UCP1: variants seen among roughly 807,000 people sequenced by gnomAD.
UCP1 encodes mitochondrial brown fat uncoupling protein 1.
UCP1 carries 24 observed loss-of-function variants against 26.2 expected under a neutral mutation model. That is an observed-to-expected ratio of 0.92 (90% CI 0.66 to 1.29). The LOEUF (loss-of-function observed/expected upper bound fraction) is 1.29, where lower values mean the gene tolerates loss of function less well. UCP1 is among the 50% of genes most tolerant of loss of function. UCP1 has a pLI of 0.00. For synonymous variants in UCP1, 164 were observed against 156.8 expected (o/e 1.05, Z -0.34); for missense variants, 402 against 388.7 (o/e 1.03, Z -0.29).
In UCP1 at chr4:140,568,792, CT is replaced by C. The variant is rs144172393; in HGVS notation, c.-64del. On this transcript the variant is annotated 5_prime_UTR_variant, in exon 1 of 6. Transcript: ENST00000262999. ...CCAGCCCCGAAGGTGGAGGAAGTTC[CT>C]TTCCCTTGCTCTTCACGCCTGTCCG... 2,252 of 1,539,972 alleles carry C rather than the reference CT, an allele frequency of 1.5e-3. 17 individuals are homozygous for C. The African/African-American group carries it at 0.022, about 15-fold the overall frequency.
At position 140,562,272 on chromosome 4, in the gene UCP1, G is replaced by C. The variant is rs1735693388; in HGVS notation, c.730C>G (p.Pro244Ala). 6.2e-7 allele frequency: 1 copy of C among 1,614,100 alleles called. No individual in the cohort carries two copies. The highest frequency in any genetic ancestry group is 8.5e-7 in the Non-Finnish European group (1 of 1,180,008). ...GGCACACTTTTGTACTGTCCTGGTG[G>C]AGAATTAATAAATCTGGTTTTTACT... is the stretch of plus-strand genomic sequence containing the variant. ...DVVKTRFINS[P>A]PGQYKSVPNC... The change falls in exon 5 of 6, where the codon CCA becomes GCA. Residue 244 changes from proline (P) to alanine (A), a missense_variant. Physicochemically the swap from Pro to Ala is conservative, Grantham distance 27. Transcript: ENST00000262999.
At chr4:140,563,059 G>T in intron 4 of UCP1, 51 bp downstream of exon 4, 1 of 1,420,210 alleles carries the variant, frequency 7.0e-7, no homozygotes, top group Non-Finnish European at 1.0e-6. Context: ...GAAGCTCCAA[G>T]ATGAACTTCT....
Position 140,559,684 on chromosome 4 carries a change from G to A in UCP1, c.*212C>T, listed in dbSNP as rs1034724762. 1 of 573,452 alleles carries A rather than the reference G, an allele frequency of 1.7e-6. No individual in the cohort carries two copies. Among genetic ancestry groups the A allele is most frequent in the African/African-American group, 1.9e-5 (1 of 52,726 alleles). The allele number at this position is 573,452 out of a possible 1,614,324, so 35.5% of individuals were successfully genotyped here. ...ACATTTGCCAGGGTATATGCTGAAT[G>A]TTTTGCTTTCCCCTTCTTAAGACAC... On this transcript the variant is annotated 3_prime_UTR_variant, in exon 6 of 6. Transcript: ENST00000262999.
rs756098816 is a variant in UCP1, at chr4:140,562,296, C to G, written c.706G>C (p.Val236Leu). Residue 236 changes from valine (V) to leucine (L), a missense_variant, in exon 5 of 6, where the codon GTA becomes CTA. Transcript: ENST00000262999. ...GGAGAATTAATAAATCTGGTTTTTA[C>G]TACATCCACCGGGGAGGACATAGCT... ...ATAMSSPVDV[V>L]KTRFINSPPG... 3.7e-6 allele frequency: 6 copies of G among 1,614,100 alleles called. No individual in the cohort carries two copies. In the Admixed American group the frequency reaches 1.0e-4, roughly 27 times the overall value.
rs1385551110 is a variant in UCP1 at position 140,562,211 on chromosome 4, G to T, written c.791C>A (p.Pro264Gln). ...ATCTTACCCCTTGAAGAAAGCCGTT[G>T]GTCCTTCGTTAGTGAACACTTTCAT... ...CAMKVFTNEG[P>Q]TAFFKGLVPS... The change falls in exon 5 of 6, where the codon CCA (proline) becomes CAA (glutamine). Residue 264 changes from proline to glutamine, a missense_variant. Coordinates refer to ENST00000262999, the MANE Select transcript of UCP1 (RefSeq NM_021833.5). 2 of 1,614,162 alleles carry T rather than the reference G, an allele frequency of 1.2e-6. No individual in the cohort carries two copies. Among genetic ancestry groups the T allele is most frequent in the Non-Finnish European group, 1.7e-6 (2 of 1,179,998 alleles).
rs150658745 is a variant in UCP1 at position 140,564,390 on chromosome 4, G to A, written c.326-872C>T. On this transcript the variant is annotated intron_variant, in intron 2 of 5. Transcript: ENST00000262999. ...TGTTGCTCAAGACAGATTTCATTAA[G>A]TACAAATAGTCTTGAAGCCCAATAT... Among the ~76,000 whole-genome samples the A allele has an allele frequency of 6.6e-5, 10 of 152,308 alleles. No individual in the cohort carries two copies. The East Asian group carries it at 1.9e-3, about 29-fold the overall frequency.
intron 5 of UCP1, 34 bp from the exon 6 acceptor site, chr4:140,560,044 G>T (rs764276708): frequency 1.3e-5 from 20 of 1,528,626 alleles, no homozygotes; most frequent in Admixed American, 8.6e-5. Flanking sequence ...CGATTAATTT[G>T]TTTGATTTTT....
rs1329889110 is a variant in UCP1 at position 140,559,477 on chromosome 4, T to TG, written c.*418dup. 1 of 185,472 alleles carries TG rather than the reference T, an allele frequency of 5.4e-6. No individual in the cohort carries two copies. Among genetic ancestry groups the TG allele is most frequent in the Admixed American group, 5.7e-5 (1 of 17,434 alleles). The allele number at this position is 185,472 out of a possible 1,614,324, so 11.5% of individuals were successfully genotyped here. ...TTTATTGAATATATTAACTGACAAC[T>TG]GTGGTTAATAAAAACTAATATTTTT... On this transcript the variant is annotated 3_prime_UTR_variant, in exon 6 of 6. Coordinates refer to ENST00000262999, the MANE Select transcript of UCP1 (RefSeq NM_021833.5).
chr4:140,567,882 G>C lies in UCP1; in HGVS notation c.222C>G (p.Leu74=), dbSNP rs17848358. ...AVVKTEGRMK[L]YSGLPAGLQR... ...GAAGCCCCGCAGGCAGCCCGCTGTAGAGTTTCATCCGCCCTTCTGTTTTTA... is the reference window on the plus strand; with the variant it reads ...GAAGCCCCGCAGGCAGCCCGCTGTACAGTTTCATCCGCCCTTCTGTTTTTA... Residue 74 remains leucine, a synonymous_variant, in exon 2 of 6, where the codon CTC becomes CTG. Transcript: ENST00000262999. The C allele has an allele frequency of 1.9e-6, 3 of 1,614,204 alleles. No homozygotes were observed. The highest frequency in any genetic ancestry group is 4.5e-5 in the East Asian group (2 of 44,878).
Position 140,568,687 on chromosome 4 carries a change from C to T in UCP1, c.43G>A (p.Val15Ile). 2 of 1,606,514 alleles carry T rather than the reference C, an allele frequency of 1.2e-6. No homozygotes were observed. The highest frequency in any genetic ancestry group is 1.1e-5 in the South Asian group (1 of 89,308). ...TASDVHPTLG[V>I]QLFSAGIAAC... ...GCTATTCCAGCTGAGAAGAGCTGGA[C>T]CCCCAGGGTCGGGTGTACGTCCGAG... Residue 15 changes from valine to isoleucine, a missense_variant, in exon 1 of 6, where the codon GTC becomes ATC. Coordinates refer to ENST00000262999, the MANE Select transcript of UCP1 (RefSeq NM_021833.5).
At chr4:140,561,410 T>A (rs1198955670) in intron 5 of UCP1, among the ~76,000 whole-genome samples, 1 of 152,184 alleles carries the variant, frequency 6.6e-6, no homozygotes, top group African/African-American at 2.4e-5. Flanking sequence ...TGGAGTGCAG[T>A]GGCACAATCA....
chr4:140,566,047 A>G (rs773988467), intron 2 of UCP1, among the ~76,000 whole-genome samples: 16 of 152,218 alleles, frequency 1.1e-4, no homozygotes, highest in Non-Finnish European at 1.9e-4. Context: ...ACAGGTTTGT[A>G]GCCTAGGAGC....
intron 2 of UCP1, among the ~76,000 whole-genome samples, chr4:140,566,193 G>A (rs1220971280): frequency 6.6e-6 from 1 of 152,128 alleles, no homozygotes; most frequent in Non-Finnish European, 1.5e-5. Flanking sequence ...AAGTGAAGTA[G>A]GACTGTATTG....
At chr4:140,564,853 CT>C (rs34057575) in intron 2 of UCP1, among the ~76,000 whole-genome samples, 25 of 151,232 alleles carry the variant, frequency 1.7e-4, no homozygotes, top group East Asian at 5.8e-4. Context: ...GGAAAAGAGG[CT>C]TTTTTTTTAA....
At chr4:140,564,650 A>C (rs920379184) in intron 2 of UCP1, among the ~76,000 whole-genome samples, 8 of 152,216 alleles carry the variant, frequency 5.3e-5, no homozygotes, top group Non-Finnish European at 1.0e-4. Flanking sequence ...TACTCTTCTC[A>C]TCATGCTTTA....
chr4:140,567,679 G>T, intron 2 of UCP1, 100 bp downstream of exon 2: 2 of 1,445,116 alleles, frequency 1.4e-6, no homozygotes, highest in Non-Finnish European at 9.7e-7. Flanking sequence ...ATGTTTTCTC[G>T]CCAATTTGTT....
At chr4:140,563,563 C>T in intron 2 of UCP1, 45 bp from the exon 3 acceptor site, 1 of 1,552,542 alleles carries the variant, frequency 6.4e-7, no homozygotes, top group Non-Finnish European at 8.8e-7. Flanking sequence ...AATTAAAGAC[C>T]TAGAATGCAT....
chr4:140,566,954 C>G (rs1326084703), intron 2 of UCP1, among the ~76,000 whole-genome samples: 1 of 152,170 alleles, frequency 6.6e-6, no homozygotes, highest in African/African-American at 2.4e-5. Flanking sequence ...CCTGGCTCTG[C>G]CCCCTCCCAG....
intron 4 of UCP1, 49 bp from the exon 5 acceptor site, chr4:140,562,422 C>A: frequency 6.3e-7 from 1 of 1,591,740 alleles, no homozygotes; most frequent in Non-Finnish European, 8.6e-7. Flanking sequence ...TGGGGGCTTG[C>A]AATTTAGTTA....
Sources: gnomAD v4.1 joint callset for allele counts (sites outside exome capture counted in the v4.1 genomes callset) on GRCh38, gnomAD v4.1.1 for gene constraint, MANE v1.5 for transcripts, NCBI Gene and HGNC (gene_info 2026-07-23, HGNC 2026-07-21) for gene names.